Variants in ARB2A observed in about 807,000 individuals in gnomAD.
ARB2A encodes ARB2 cotranscriptional regulator A.
the ARB2A span, among the ~76,000 whole-genome samples, chr5:93,921,157 T>TAAAAA: frequency 1.6e-5 from 2 of 124,162 alleles, no homozygotes; most frequent in Non-Finnish European, 3.4e-5. Flanking sequence ...AAGACCATGT[T>TAAAAA]AAAAAAAAAA....
chr5:93,725,507 T>G, the ARB2A span, among the ~76,000 whole-genome samples: 3 of 152,102 alleles, frequency 2.0e-5, no homozygotes, highest in African/African-American at 7.2e-5. Flanking sequence ...CAATCTAGGT[T>G]CTGGATATTT....
the ARB2A span, among the ~76,000 whole-genome samples, chr5:93,947,293 G>A: frequency 6.6e-6 from 1 of 152,226 alleles, no homozygotes; most frequent in African/African-American, 2.4e-5. Flanking sequence ...CACATTAAGT[G>A]TGTCACCTAA....
chr5:94,004,530 C>T, the ARB2A span, among the ~76,000 whole-genome samples: 5 of 150,558 alleles, frequency 3.3e-5, no homozygotes, highest in Non-Finnish European at 5.9e-5. Flanking sequence ...TGTAGTGAGC[C>T]GAGACTGTGC....
the ARB2A span, among the ~76,000 whole-genome samples, chr5:93,728,638 C>A: frequency 6.6e-6 from 1 of 151,876 alleles, no homozygotes. Flanking sequence ...ACTTGCTGAT[C>A]CATGGTGCCA....
At chr5:94,096,326 AG>A in the ARB2A span, among the ~76,000 whole-genome samples, 4 of 152,346 alleles carry the variant, frequency 2.6e-5, no homozygotes, top group Admixed American at 2.0e-4. Context: ...TGTAGAGGAA[AG>A]GGGTATCACT....
the ARB2A span, among the ~76,000 whole-genome samples, chr5:94,070,675 A>C: frequency 6.6e-6 from 1 of 152,116 alleles, no homozygotes; most frequent in Non-Finnish European, 1.5e-5. Context: ...AATGTTTACT[A>C]ATCACATATC....
chr5:94,075,349 C>T, the ARB2A span, among the ~76,000 whole-genome samples: 1 of 151,940 alleles, frequency 6.6e-6, no homozygotes, highest in African/African-American at 2.4e-5. Flanking sequence ...GGAAGCCATC[C>T]TCTCTAAATG....
the ARB2A span, among the ~76,000 whole-genome samples, chr5:94,102,983 C>A: frequency 6.6e-6 from 1 of 152,094 alleles, no homozygotes; most frequent in Non-Finnish European, 1.5e-5. Flanking sequence ...GAATTCACTA[C>A]CACCAGACCT....
chr5:93,916,394 T>A, the ARB2A span, among the ~76,000 whole-genome samples: 1 of 152,142 alleles, frequency 6.6e-6, no homozygotes, highest in Non-Finnish European at 1.5e-5. Context: ...AAATTTAAAG[T>A]ATGAAATGTA....
chr5:93,739,775 A>C, the ARB2A span: 4 of 152,186 alleles, frequency 2.6e-5, no homozygotes, highest in Admixed American at 6.5e-5. Flanking sequence ...AGAGAAAGTA[A>C]GGGAAATTCC....
the ARB2A span, chr5:93,738,462 C>T: frequency 6.6e-6 from 1 of 152,168 alleles, no homozygotes; most frequent in East Asian, 1.9e-4. Flanking sequence ...TCCAAGAGAA[C>T]TGAAACAACA....
the ARB2A span, among the ~76,000 whole-genome samples, chr5:93,762,462 T>A: frequency 6.6e-6 from 1 of 152,096 alleles, no homozygotes; most frequent in Admixed American, 6.5e-5. Context: ...TGATGGAAGA[T>A]CAAATGAATG....
the ARB2A span, among the ~76,000 whole-genome samples, chr5:93,624,736 G>A: frequency 1.1e-4 from 16 of 152,264 alleles, no homozygotes; most frequent in African/African-American, 3.6e-4. Context: ...ATTGGGAGAA[G>A]GACAGGGATA....
At chr5:93,996,471 G>T in the ARB2A span, among the ~76,000 whole-genome samples, 167 of 152,166 alleles carry the variant, frequency 1.1e-3, no homozygotes, top group African/African-American at 3.8e-3. Context: ...AAACTGATTT[G>T]TGAGATTATT....
chr5:93,708,523 T>A, the ARB2A span, among the ~76,000 whole-genome samples: 2 of 152,198 alleles, frequency 1.3e-5, no homozygotes, highest in African/African-American at 4.8e-5. Flanking sequence ...TAGATTCTCA[T>A]AAGAAGCTCA....
chr5:93,713,329 T>C, the ARB2A span, among the ~76,000 whole-genome samples: 2 of 151,462 alleles, frequency 1.3e-5, no homozygotes, highest in African/African-American at 2.4e-5. Context: ...AAACAGAACA[T>C]ATAAGGAGCT....
chr5:93,733,700 C>T, the ARB2A span: 5 of 152,248 alleles, frequency 3.3e-5, no homozygotes, highest in East Asian at 9.6e-4. Context: ...TAATTGGCCA[C>T]CTAAATCTTT....
the ARB2A span, among the ~76,000 whole-genome samples, chr5:93,808,418 C>T: frequency 6.7e-6 from 1 of 149,276 alleles, no homozygotes; most frequent in South Asian, 2.1e-4. Flanking sequence ...AAAAAAAACC[C>T]ACATACAATC....
chr5:93,784,974 A>G, the ARB2A span, among the ~76,000 whole-genome samples: 1 of 152,204 alleles, frequency 6.6e-6, no homozygotes, highest in Non-Finnish European at 1.5e-5. Flanking sequence ...GCTCTTCACC[A>G]TGGCCTTGTA....
Sources: allele counts gnomAD v4.1 joint callset (sites outside exome capture counted in the v4.1 genomes callset), GRCh38; gene constraint gnomAD v4.1.1; transcripts MANE v1.5; gene names NCBI Gene and HGNC (gene_info 2026-07-23, HGNC 2026-07-21).